TACC2: variants seen among roughly 807,000 people sequenced by gnomAD.
TACC2 encodes the protein transforming acidic coiled-coil-containing protein 2.
TACC2 carries 137 observed loss-of-function variants against 227.3 expected under a neutral mutation model. The observed-to-expected ratio is 0.60, with a 90% CI of 0.52 to 0.69. TACC2 has a LOEUF of 0.69. Among genes scored for constraint, TACC2 ranks in the 30% least tolerant of loss-of-function variants. The probability of loss-of-function intolerance (pLI) is 0.00; values close to 1 mark genes in which losing one functional copy is unlikely to be tolerated. For synonymous variants in TACC2, 1,523 were observed against 1,487.5 expected, an observed-to-expected ratio of 1.02 and a Z score of -0.55; for missense variants, 3,470 against 3,694.4, an observed-to-expected ratio of 0.94 and a Z score of 1.57.
intron 7 of TACC2, among the ~76,000 whole-genome samples, chr10:122,176,117 C>CTCTATATATATATATA (rs1447382017): frequency 3.7e-5 from 2 of 54,654 alleles, no homozygotes; most frequent in East Asian, 4.8e-4. Flanking sequence ...CTCTCTCTCT[C>CTCTATATATATATATA]TATATATATA....
intron 3 of TACC2, among the ~76,000 whole-genome samples, chr10:122,066,016 T>G (rs1274671977): frequency 6.6e-6 from 1 of 152,186 alleles, no homozygotes; most frequent in African/African-American, 2.4e-5. Context: ...TTAGCCTATT[T>G]GTGCTTTAAA....
rs2080175398 is a variant in TACC2 at position 122,087,128 on chromosome 10, G to C, written c.4628G>C (p.Gly1543Ala). Reference sequence around the variant, plus strand: ...GGGGCAGCCTGGCCAGGCCTGGAAGGCCAGGCTTACTCACAGCTGGAGAGG... The same window carrying C: ...GGGGCAGCCTGGCCAGGCCTGGAAGCCCAGGCTTACTCACAGCTGGAGAGG... ...GPGAAWPGLE[G>A]QAYSQLERSR... The change falls in exon 4 of 23, where the codon GGC (glycine) becomes GCC (alanine). Residue 1543 changes from glycine (G) to alanine (A), a missense_variant. By Grantham distance (60) the Gly-to-Ala change is moderately conservative (BLOSUM62 0). Transcript: ENST00000369005. 1 of 1,610,282 alleles carries C rather than the reference G, an allele frequency of 6.2e-7. No homozygotes were observed. Among genetic ancestry groups the C allele is most frequent in the East Asian group, 2.2e-5 (1 of 44,844 alleles).
chr10:122,107,878 A>ATTTTT (rs1204393563), intron 5 of TACC2, among the ~76,000 whole-genome samples: 4 of 88,420 alleles, frequency 4.5e-5, no homozygotes, highest in Non-Finnish European at 4.2e-5. Context: ...ATATATATAT[A>ATTTTT]TATTTTTTTT....
chr10:122,038,521 CT>C (rs2073854650), intron 2 of TACC2, among the ~76,000 whole-genome samples: 1 of 152,094 alleles, frequency 6.6e-6, no homozygotes, highest in Non-Finnish European at 1.5e-5. Flanking sequence ...GGTGGTCCAG[CT>C]GGCACAAAAC....
chr10:122,184,657 C>G (rs945341326), intron 7 of TACC2, among the ~76,000 whole-genome samples: 3 of 152,162 alleles, frequency 2.0e-5, no homozygotes, highest in Non-Finnish European at 4.4e-5. Context: ...ATAAACAGCA[C>G]CTATGTGTTG....
rs753286281 is a variant in TACC2, at chr10:122,087,664, G to C, written c.5164G>C (p.Gly1722Arg). ...AGCTGAGACACAGGCATGTGCGTCC[G>C]GTGATCTGCCTGAAGCAGGTACTAC... Reference protein sequence around the residue: ...STAETQACASGDLPEAGTTRT... With the variant: ...STAETQACASRDLPEAGTTRT... The change falls in exon 4 of 23, where the codon GGT (glycine) becomes CGT (arginine). Residue 1722 changes from glycine (G) to arginine (R), a missense_variant. Physicochemically the swap from Gly to Arg is moderately radical, Grantham distance 125. Transcript: ENST00000369005. The C allele has an allele frequency of 5.0e-6, 8 of 1,613,352 alleles. No individual in the cohort carries two copies. Among genetic ancestry groups the C allele is most frequent in the Non-Finnish European group, 5.9e-6 (7 of 1,179,974 alleles).
At chr10:122,169,676 C>T (rs2093370353) in intron 7 of TACC2, among the ~76,000 whole-genome samples, 1 of 152,190 alleles carries the variant, frequency 6.6e-6, no homozygotes, top group South Asian at 2.1e-4. Context: ...TAAGACATCT[C>T]ATTTATGCTC....
chr10:122,057,415 G>A (rs1012110382), intron 3 of TACC2, among the ~76,000 whole-genome samples: 3 of 151,986 alleles, frequency 2.0e-5, no homozygotes, highest in Non-Finnish European at 4.4e-5. Context: ...CGGAAGAGGT[G>A]GAGTCAAAGA....
intron 3 of TACC2, chr10:122,051,574 G>C (rs748552736): frequency 6.6e-6 from 1 of 152,142 alleles, no homozygotes; most frequent in Non-Finnish European, 1.5e-5. Flanking sequence ...CCATGGATTT[G>C]GTCAGAAAAA....
At chr10:122,164,356 G>A (rs1461675085) in intron 7 of TACC2, among the ~76,000 whole-genome samples, 5 of 151,480 alleles carry the variant, frequency 3.3e-5, no homozygotes, top group Non-Finnish European at 1.5e-5. Flanking sequence ...ACCCATGAGC[G>A]TGGCAGCTCC....
chr10:122,084,875 G>A lies in TACC2; in HGVS notation c.2375G>A (p.Gly792Glu), dbSNP rs1218202624. The A allele has an allele frequency of 6.2e-7, 1 of 1,614,014 alleles. No individual in the cohort carries two copies. ...PQGENLAADLGLTALILDQDQ... is the reference protein window; with the variant it reads ...PQGENLAADLELTALILDQDQ... Reference sequence around the variant, plus strand: ...GGGGAGAACTTGGCAGCAGACCTGGGGCTCACGGCACTCATCCTGGACCAA... The same window carrying A: ...GGGGAGAACTTGGCAGCAGACCTGGAGCTCACGGCACTCATCCTGGACCAA... Residue 792 changes from glycine (G) to glutamate (E), a missense_variant, in exon 4 of 23, where the codon GGG becomes GAG. Around this residue, in one of 10 missense-constraint regions of TACC2, gnomAD observed 1,924 missense variants for 1,978.3 expected, o/e 0.97. Coordinates refer to ENST00000369005, the MANE Select transcript of TACC2 (RefSeq NM_206862.4).
chr10:122,063,171 A>C (rs1030266956), intron 3 of TACC2, among the ~76,000 whole-genome samples: 1 of 152,242 alleles, frequency 6.6e-6, no homozygotes, highest in Non-Finnish European at 1.5e-5. Context: ...CTTAGCAGAA[A>C]AAAGAAAAAT....
chr10:122,006,166 TG>T (rs1376821952), intron 1 of TACC2, among the ~76,000 whole-genome samples: 1 of 152,038 alleles, frequency 6.6e-6, no homozygotes, highest in Admixed American at 6.6e-5. Flanking sequence ...AATAGGATGC[TG>T]GCCAGGCACG....
intron 12 of TACC2, 92 bp downstream of exon 12, chr10:122,224,879 C>T (rs909649876): frequency 1.3e-5 from 14 of 1,049,560 alleles, no homozygotes; most frequent in Admixed American, 2.0e-5. Context: ...GGAGCTCAGA[C>T]CCCAAATCGA....
intron 2 of TACC2, among the ~76,000 whole-genome samples, chr10:122,038,645 G>A (rs1302180434): frequency 1.3e-5 from 2 of 152,278 alleles, no homozygotes; most frequent in Non-Finnish European, 2.9e-5. Flanking sequence ...ATCTCCTGCT[G>A]GGAGAGCTTT....
chr10:122,249,019 T>G (rs1350907445), intron 20 of TACC2, 31 bp from the exon 21 acceptor site: 1 of 1,594,452 alleles, frequency 6.3e-7, no homozygotes, highest in African/African-American at 1.3e-5. Flanking sequence ...TCTCGTGGGC[T>G]TGACGCCTGT....
rs140693345 is a variant in TACC2, at chr10:122,184,539, G to A, written c.5835-10501G>A. ...TGAGCACATCTGGGGAGACCCCTGC[G>A]TCCCCAGCAGTGTGGCTGAGCTCTG... is the stretch of plus-strand genomic sequence containing the variant. On this transcript the variant is annotated intron_variant, in intron 7 of 22. Coordinates refer to ENST00000369005, the MANE Select transcript of TACC2 (RefSeq NM_206862.4). 2.6e-3 allele frequency among the ~76,000 whole-genome samples: 399 copies of A among 152,268 alleles called. 3 individuals carry two copies. Among genetic ancestry groups the A allele is most frequent in the African/African-American group, 9.0e-3 (376 of 41,556 alleles).
At chr10:122,073,124 AAAATATATATATATAT>A (rs1330061194) in intron 3 of TACC2, among the ~76,000 whole-genome samples, 1 of 66,064 alleles carries the variant, frequency 1.5e-5, no homozygotes, top group African/African-American at 5.2e-5. Flanking sequence ...AAAAAAAAAA[AAAATATATATATATAT>A]ATATATATAT....
rs1338494040 is a variant in TACC2, at chr10:122,087,755, C to T, written c.5255C>T (p.Ser1752Phe). ...LPGSCQDPAC[S>F]DKAPGMEGTA... Reference sequence around the variant, plus strand: ...GGAAGCTGTCAGGACCCAGCCTGCTCTGACAAGGCTCCGGGGATGGAGGGT... The same window carrying T: ...GGAAGCTGTCAGGACCCAGCCTGCTTTGACAAGGCTCCGGGGATGGAGGGT... Residue 1752 changes from serine (S) to phenylalanine (F), a missense_variant, in exon 4 of 23, where the codon TCT becomes TTT. Physicochemically the swap from Ser to Phe is radical, Grantham distance 155 (BLOSUM62 -2). This residue lies in a region of TACC2 where 1,924 missense variants were observed against 1,978.3 expected (regional missense o/e 0.97). Coordinates refer to ENST00000369005, the MANE Select transcript of TACC2 (RefSeq NM_206862.4). 3.1e-6 allele frequency: 5 copies of T among 1,610,504 alleles called. No individual in the cohort carries two copies. The highest frequency in any genetic ancestry group is 1.6e-4 in the Middle Eastern group (1 of 6,072).
Sources: gnomAD v4.1 joint callset for allele counts (sites outside exome capture counted in the v4.1 genomes callset) on GRCh38, gnomAD v4.1.1 for gene constraint, gnomAD v4.1.1 regional missense constraint, MANE v1.5 for transcripts, NCBI Gene and HGNC (gene_info 2026-07-23, HGNC 2026-07-21) for gene names.